The following CHID1 variants were observed in gnomAD, a reference collection of about 807,000 sequenced individuals.
The protein encoded by CHID1 is chitinase domain containing 1.
In CHID1, 44 loss-of-function variants were observed where a neutral mutation model predicts 55.4. That is an observed-to-expected ratio of 0.79 (90% CI 0.62 to 1.02). The LOEUF (loss-of-function observed/expected upper bound fraction) is 1.02, where lower values mean the gene tolerates loss of function less well. Ranked by LOEUF, CHID1 falls within the 50% of genes least tolerant of loss-of-function variation. The pLI is 0.00. For missense variants in CHID1, 491 were observed against 515.3 expected (o/e 0.95, Z 0.46); for synonymous variants, 216 against 212.9 (o/e 1.01, Z -0.13).
At chr11:912,169 G>A (rs7115012), upstream of CHID1, among the ~76,000 whole-genome samples, 18,694 of 152,162 alleles carry the variant, frequency 0.12, 3,210 homozygotes, top group African/African-American at 0.39. Flanking sequence ...TAAAAATACA[G>A]AAATTAGGCG....
intron 7 of CHID1, among the ~76,000 whole-genome samples, chr11:894,567 C>A (rs528566080): frequency 5.9e-5 from 9 of 152,196 alleles, no homozygotes; most frequent in Non-Finnish European, 1.0e-4. Flanking sequence ...TGTTACCGCA[C>A]GTAGGAGACT....
At chr11:890,185 T>C (rs923747845) in intron 8 of CHID1, among the ~76,000 whole-genome samples, 2 of 152,220 alleles carry the variant, frequency 1.3e-5, no homozygotes, top group African/African-American at 4.8e-5. Flanking sequence ...GACCTCAGCC[T>C]GGACCTCGGC....
intron 1 of CHID1, among the ~76,000 whole-genome samples, chr11:910,262 C>A (rs1294544675): frequency 6.6e-6 from 1 of 152,256 alleles, no homozygotes. Flanking sequence ...TGCGCCCACC[C>A]TTCACGGGGA....
intron 8 of CHID1, 72 bp downstream of exon 8, chr11:893,355 A>T (rs571200305): frequency 1.1e-5 from 15 of 1,308,432 alleles, no homozygotes; most frequent in Non-Finnish European, 1.6e-5. Context: ...CCTTTGGCCG[A>T]CACCCTGCAC....
At chr11:887,651 G>C (rs1265361512) in intron 8 of CHID1, among the ~76,000 whole-genome samples, 1 of 152,164 alleles carries the variant, frequency 6.6e-6, no homozygotes, top group Non-Finnish European at 1.5e-5. Flanking sequence ...CTTCTACTCT[G>C]CAGGGGCCTG....
chr11:900,822 T>C, intron 5 of CHID1, 114 bp downstream of exon 5: 17 of 853,814 alleles, frequency 2.0e-5, no homozygotes, highest in Non-Finnish European at 2.8e-5. Context: ...CAAAGTAACC[T>C]GTGCCGCAGC....
upstream of CHID1, among the ~76,000 whole-genome samples, chr11:912,111 C>G (rs1223097637): frequency 2.0e-5 from 3 of 152,106 alleles, no homozygotes; most frequent in Non-Finnish European, 4.4e-5. Flanking sequence ...CACTTGAGGT[C>G]AGGCGTTCGA....
intron 10 of CHID1, among the ~76,000 whole-genome samples, chr11:879,793 G>A (rs1482155622): frequency 1.1e-4 from 16 of 152,252 alleles, no homozygotes; most frequent in Non-Finnish European, 2.4e-4. Context: ...TGGAGCTGAG[G>A]CAGGGCTGGG....
chr11:888,434 TCCTTCA>T (rs1850557087), intron 8 of CHID1, among the ~76,000 whole-genome samples: 1 of 152,174 alleles, frequency 6.6e-6, no homozygotes, highest in African/African-American at 2.4e-5. Context: ...CCAGCCTGTG[TCCTTCA>T]CCCAGACACA....
intron 2 of CHID1, 136 bp downstream of exon 2, chr11:904,570 G>A (rs980564238): frequency 5.7e-5 from 54 of 948,054 alleles, no homozygotes; most frequent in Middle Eastern, 2.5e-4. Flanking sequence ...CACCGGCTGC[G>A]GGCTCATCAG....
At chr11:873,754 T>C (rs1432740957) in intron 10 of CHID1, among the ~76,000 whole-genome samples, 1 of 152,050 alleles carries the variant, frequency 6.6e-6, no homozygotes, top group Non-Finnish European at 1.5e-5. Flanking sequence ...GGCTTCTTTT[T>C]TTGGGGAGCA....
chr11:871,675 C>T (rs1402021261), intron 10 of CHID1, among the ~76,000 whole-genome samples: 3 of 152,216 alleles, frequency 2.0e-5, no homozygotes, highest in Non-Finnish European at 4.4e-5. Context: ...GTGGGGCCTA[C>T]AGCCCGGGTG....
upstream of CHID1, among the ~76,000 whole-genome samples, chr11:911,767 C>A (rs1307772236): frequency 1.3e-5 from 2 of 152,192 alleles, no homozygotes; most frequent in East Asian, 3.9e-4. Context: ...GAGGCACGTC[C>A]CCCACCAGCT....
chr11:895,596 C>T (rs78744412), intron 7 of CHID1, among the ~76,000 whole-genome samples: 14,880 of 152,204 alleles, frequency 0.098, 820 homozygotes, highest in East Asian at 0.24. Flanking sequence ...AGGGGCTGAT[C>T]CAGAGCTCAG....
chr11:870,397 C>T, intron 11 of CHID1, 22 bp downstream of exon 11: 1 of 1,589,380 alleles, frequency 6.3e-7, no homozygotes, highest in Non-Finnish European at 8.6e-7. Flanking sequence ...CCAAGGTGGG[C>T]CACGCACTTC....
chr11:877,156 CA>C (rs1257816075), intron 10 of CHID1, among the ~76,000 whole-genome samples: 1 of 152,220 alleles, frequency 6.6e-6, no homozygotes, highest in Non-Finnish European at 1.5e-5. Flanking sequence ...TGAGGGCATA[CA>C]CCCCCACACG....
In CHID1 at chr11:899,408, G is replaced by A. The variant is rs376036976; in HGVS notation, c.547-7C>T. On this transcript the variant is annotated splice_region_variant and splice_polypyrimidine_tract_variant and intron_variant, in intron 6 of 12. Transcript: ENST00000323578. ...AGCCATCGAAATGCTGGTTCTGAAA[G>A]AAGCAGTCACAGGTGAGGAGGGCCT... 15 of 1,597,668 alleles carry A rather than the reference G, an allele frequency of 9.4e-6. No homozygotes were observed. The highest frequency in any genetic ancestry group is 1.3e-5 in the African/African-American group (1 of 74,778).
rs116108266 is a variant in CHID1, at chr11:891,094, G to A, written c.701+2333C>T. Reference sequence around the variant, plus strand: ...GGCTGCTCTTCCCTCAGAGTGGGATGGGGGAAGGATAAACAGATGACAAAA... The same window carrying A: ...GGCTGCTCTTCCCTCAGAGTGGGATAGGGGAAGGATAAACAGATGACAAAA... On this transcript the variant is annotated intron_variant, in intron 8 of 12. Transcript: ENST00000323578. Among the ~76,000 whole-genome samples the A allele has an allele frequency of 9.9e-3, 1,460 of 147,676 alleles. 30 individuals are homozygous for A. The highest frequency in any genetic ancestry group is 0.035 in the African/African-American group (1,396 of 40,044).
At chr11:880,120 C>T (rs1849798613) in intron 10 of CHID1, among the ~76,000 whole-genome samples, 1 of 152,220 alleles carries the variant, frequency 6.6e-6, no homozygotes, top group Admixed American at 6.5e-5. Context: ...TGACCTGTGC[C>T]CCATCTCAGC....
Sources: gnomAD v4.1 joint callset for allele counts (sites outside exome capture counted in the v4.1 genomes callset) on GRCh38, gnomAD v4.1.1 for gene constraint, MANE v1.5 for transcripts, NCBI Gene and HGNC (gene_info 2026-07-23, HGNC 2026-07-21) for gene names.